The following LMX1A variants were observed in gnomAD, a reference collection of about 807,000 sequenced individuals.
The protein encoded by LMX1A is LIM homeobox transcription factor 1-alpha.
A neutral mutation model predicts 49.1 loss-of-function variants in LMX1A; 15 were observed. That is an observed-to-expected ratio of 0.31 (90% confidence interval 0.20 to 0.47). The LOEUF (loss-of-function observed/expected upper bound fraction) is 0.47. LMX1A is among the 20% of genes least tolerant of loss of function. The pLI, the probability that LMX1A is intolerant of heterozygous loss-of-function variation, is 1.00. For missense variants in LMX1A, 372 were observed against 475.8 expected (o/e 0.78, Z 2.03); for synonymous variants, 167 against 185.7 (o/e 0.90, Z 0.82).
At chr1:165,211,018 T>C (rs1651361610) in intron 5 of LMX1A, 1 of 372,462 alleles carries the variant, frequency 2.7e-6, no homozygotes, top group Admixed American at 4.3e-5. Context: ...TCCCAAGAGG[T>C]GTTTCTGGAT....
chr1:165,206,211 G>A (rs2102593882), intron 7 of LMX1A, among the ~76,000 whole-genome samples, 177 bp from the exon 8 acceptor site: 2 of 152,288 alleles, frequency 1.3e-5, no homozygotes, highest in South Asian at 2.1e-4. Flanking sequence ...CAGGGTAGGG[G>A]CTGGGATGTT....
chr1:165,277,563 T>C (rs1654006289), intron 3 of LMX1A, among the ~76,000 whole-genome samples: 1 of 152,208 alleles, frequency 6.6e-6, no homozygotes, highest in African/African-American at 2.4e-5. Flanking sequence ...CACTGTGCCA[T>C]ATAAATTGTG....
chr1:165,244,420 G>C lies in LMX1A; in HGVS notation c.496+4988C>G, dbSNP rs554399219. Among the ~76,000 whole-genome samples, 251 of 152,186 alleles carry C rather than the reference G, an allele frequency of 1.6e-3. 1 individual carries two copies. Among genetic ancestry groups the C allele is most frequent in the South Asian group, 5.0e-3 (24 of 4,814 alleles). ...CTTGTGATTGATTGGCCTCTTAAGCGGGGTGGGGTCTGGCAGTCTTGTGGG... is the reference window on the plus strand; with the variant it reads ...CTTGTGATTGATTGGCCTCTTAAGCCGGGTGGGGTCTGGCAGTCTTGTGGG... On this transcript the variant is annotated intron_variant, in intron 4 of 8. Transcript: ENST00000342310.
intron 3 of LMX1A, among the ~76,000 whole-genome samples, chr1:165,277,701 T>G (rs1221018230): frequency 6.6e-6 from 1 of 152,130 alleles, no homozygotes; most frequent in Non-Finnish European, 1.5e-5. Context: ...TTCTGCTGAG[T>G]GTACTCCAGC....
intron 3 of LMX1A, among the ~76,000 whole-genome samples, chr1:165,258,172 T>C (rs1653311902): frequency 1.3e-5 from 2 of 152,232 alleles, no homozygotes; most frequent in African/African-American, 4.8e-5. Flanking sequence ...ACTGAGGTCA[T>C]CCAGGCAGAG....
At chr1:165,204,071 G>A (rs1470905697) in intron 8 of LMX1A, 31 bp from the exon 9 acceptor site, 2 of 1,610,546 alleles carry the variant, frequency 1.2e-6, no homozygotes, top group African/African-American at 2.7e-5. Flanking sequence ...TGGCATGAGG[G>A]TCTTGAAGAA....
At chr1:165,274,199 G>A (rs1227931074) in intron 3 of LMX1A, among the ~76,000 whole-genome samples, 3 of 152,116 alleles carry the variant, frequency 2.0e-5, no homozygotes, top group African/African-American at 7.2e-5. Flanking sequence ...GTCCAACTAT[G>A]GCCTTCCTTG....
intron 4 of LMX1A, among the ~76,000 whole-genome samples, chr1:165,232,680 C>A (rs1652277862): frequency 6.6e-6 from 1 of 152,216 alleles, no homozygotes; most frequent in African/African-American, 2.4e-5. Context: ...CAAACCAATT[C>A]TTGGGGAATG....
intron 4 of LMX1A, among the ~76,000 whole-genome samples, chr1:165,224,960 T>C (rs949432907): frequency 1.3e-5 from 2 of 152,098 alleles, no homozygotes; most frequent in African/African-American, 4.8e-5. Flanking sequence ...TATGTTTCAA[T>C]AGGAAGACAG....
chr1:165,314,353 C>A (rs1052936239), intron 3 of LMX1A, among the ~76,000 whole-genome samples: 2 of 152,190 alleles, frequency 1.3e-5, no homozygotes, highest in Non-Finnish European at 2.9e-5. Context: ...GCTAAAGCAA[C>A]TTCACCTTTA....
intron 4 of LMX1A, among the ~76,000 whole-genome samples, chr1:165,234,677 A>G (rs1175035854): frequency 6.6e-6 from 1 of 152,224 alleles, no homozygotes; most frequent in African/African-American, 2.4e-5. Context: ...GGACTTAGTG[A>G]GACTAATTCT....
intron 4 of LMX1A, among the ~76,000 whole-genome samples, chr1:165,236,575 C>T (rs1652452895): frequency 6.6e-6 from 1 of 151,986 alleles, no homozygotes; most frequent in Admixed American, 6.5e-5. Flanking sequence ...TGTTTGCTGC[C>T]TCTCACAACC....
chr1:165,334,569 A>G (rs191508406), intron 3 of LMX1A, among the ~76,000 whole-genome samples: 4 of 152,334 alleles, frequency 2.6e-5, no homozygotes, highest in Non-Finnish European at 5.9e-5. Flanking sequence ...TGACTCTCAC[A>G]TACCCTGCCA....
At chr1:165,243,325 C>G (rs1425366950) in intron 4 of LMX1A, among the ~76,000 whole-genome samples, 1 of 152,152 alleles carries the variant, frequency 6.6e-6, no homozygotes, top group East Asian at 1.9e-4. Flanking sequence ...ATGGACCAGC[C>G]AGAAGCCATG....
rs764408689 is a variant in LMX1A, at chr1:165,213,674, G to A, written c.636C>T (p.Ala212=). 7 of 1,614,072 alleles carry A rather than the reference G, an allele frequency of 4.3e-6. No individual in the cohort carries two copies. Among genetic ancestry groups the A allele is most frequent in the Non-Finnish European group, 5.9e-6 (7 of 1,180,030 alleles). ...AGGGCTTGGAGGATACTTCAAATGA[G>A]GCCTTGAATGCTCGCCTCTGTTGAG... is the stretch of plus-strand genomic sequence containing the variant. The part of the protein sequence containing the change: ...LTTQQRRAFK[A]SFEVSSKPCR... The change falls in exon 5 of 9, where the codon GCC becomes GCT. Residue 212 remains alanine, a synonymous_variant. Transcript: ENST00000342310.
chr1:165,299,233 T>C (rs918870646), intron 3 of LMX1A, among the ~76,000 whole-genome samples: 2 of 152,250 alleles, frequency 1.3e-5, no homozygotes, highest in African/African-American at 4.8e-5. Flanking sequence ...TACTTCTCTC[T>C]GGATGTTTGA....
At chr1:165,314,810 C>T (rs896272972) in intron 3 of LMX1A, among the ~76,000 whole-genome samples, 2 of 152,126 alleles carry the variant, frequency 1.3e-5, no homozygotes, top group Non-Finnish European at 2.9e-5. Flanking sequence ...TCATACTAAG[C>T]ACCCAATAAT....
chr1:165,326,077 G>A (rs1655570357), intron 3 of LMX1A, among the ~76,000 whole-genome samples: 1 of 152,122 alleles, frequency 6.6e-6, no homozygotes, highest in Non-Finnish European at 1.5e-5. Context: ...TTCAGGCCCA[G>A]CTCTGCCCTT....
chr1:165,283,001 A>G lies in LMX1A; in HGVS notation c.264-33361T>C, dbSNP rs538448959. On this transcript the variant is annotated intron_variant, in intron 3 of 8. Transcript: ENST00000342310. ...AGTTTGATCCTCACCACTGTCTCCA[A>G]CCCCAAGTCACACATACTCTTTCAT... Among the ~76,000 whole-genome samples, 3 of 152,256 alleles carry G rather than the reference A, an allele frequency of 2.0e-5. No homozygotes were observed. The East Asian group carries it at 5.8e-4, about 29-fold the overall frequency.
Sources: gnomAD v4.1 joint callset for allele counts (sites outside exome capture counted in the v4.1 genomes callset) on GRCh38, gnomAD v4.1.1 for gene constraint, MANE v1.5 for transcripts, NCBI Gene and HGNC (gene_info 2026-07-23, HGNC 2026-07-21) for gene names.